Variants in CREBBP observed in about 807,000 individuals in gnomAD.
CREBBP encodes CREB-binding protein.
In CREBBP, 19 loss-of-function variants were observed where a neutral mutation model predicts 265.0. That is an observed-to-expected ratio of 0.07 (90% CI 0.05 to 0.11). CREBBP has a LOEUF of 0.11. Among genes scored for constraint, CREBBP ranks in the 10% least tolerant of loss-of-function variants. The pLI is 1.00. For missense variants in CREBBP, 2,525 were observed against 3,219.0 expected, an observed-to-expected ratio of 0.78 and a Z score of 5.22; for synonymous variants, 1,457 against 1,223.7, an observed-to-expected ratio of 1.19 and a Z score of -3.98.
chr16:3,833,211 G>A (rs1427269037), intron 2 of CREBBP, among the ~76,000 whole-genome samples: 7 of 152,332 alleles, frequency 4.6e-5, no homozygotes, highest in Non-Finnish European at 1.0e-4. Context: ...TGAGGAGTTC[G>A]AGACCAGCCT....
In CREBBP at chr16:3,725,483, G is replaced by A. The variant is rs542425636; in HGVS notation, c.*2235C>T. 3 of 233,264 alleles carry A rather than the reference G, an allele frequency of 1.3e-5. No homozygotes were observed. Among genetic ancestry groups the A allele is most frequent in the South Asian group, 1.8e-4 (1 of 5,530 alleles). 14.4% of individuals were successfully genotyped at this position (233,264 alleles called of 1,614,324 possible). A position where few individuals can be genotyped will look rare whatever the true frequency, so the allele number is the denominator to read the frequency against. Reference sequence around the variant, plus strand: ...CTTCTTGTTTGAACACATGGCTCAAGGTTTCCCTACGGGTGGAAAAGATGA... The same window carrying A: ...CTTCTTGTTTGAACACATGGCTCAAAGTTTCCCTACGGGTGGAAAAGATGA... On this transcript the variant is annotated 3_prime_UTR_variant, in exon 31 of 31. Transcript: ENST00000262367.
rs1281413873 is a variant in CREBBP, at chr16:3,725,733, T to A, written c.*1985A>T. The A allele has an allele frequency of 4.3e-6, 1 of 233,210 alleles. No homozygotes were observed. The highest frequency in any genetic ancestry group is 8.5e-6 in the Non-Finnish European group (1 of 118,060). 14.4% of individuals were successfully genotyped at this position (233,210 alleles called of 1,614,324 possible). A position where few individuals can be genotyped will look rare whatever the true frequency, so the allele number is the denominator to read the frequency against. On this transcript the variant is annotated 3_prime_UTR_variant, in exon 31 of 31. Coordinates refer to ENST00000262367, the MANE Select transcript of CREBBP (RefSeq NM_004380.3). ...CTTTCCAACTTCTTAGAAAGGTTCC[T>A]CGAATTCAGATTCCCAAACCAAGTA...
chr16:3,745,215 T>C (rs1249579881), intron 22 of CREBBP, 62 bp downstream of exon 22: 1 of 1,452,602 alleles, frequency 6.9e-7, no homozygotes, highest in Non-Finnish European at 9.6e-7. Context: ...CAGTAGCCAC[T>C]GCAACTGCCC....
At position 3,731,421 on chromosome 16, in the gene CREBBP, G is replaced by A. The variant is rs1181588652; in HGVS notation, c.4943C>T (p.Pro1648Leu). ...HAGPVINTLP[P>L]IVDPDPLLSC... The stretch of plus-strand genomic sequence containing the variant: ...GAGCAGGGGGTCGGGGTCGACGATG[G>A]GGGGCAGGGTGTTGATGACAGGCCC... The change falls in exon 30 of 31, where the codon CCC becomes CTC. Residue 1648 changes from proline (P) to leucine (L), a missense_variant. By Grantham distance (98) the Pro-to-Leu change is moderately conservative. Around this residue, in one of 19 missense-constraint regions of CREBBP, gnomAD observed 37 missense variants for 34.1 expected, o/e 1.09. Coordinates refer to ENST00000262367, the MANE Select transcript of CREBBP (RefSeq NM_004380.3). The surrounding 1 kb of genome is among the most constrained non-coding windows in gnomAD (Gnocchi z 7.7). 6.2e-7 allele frequency: 1 copy of A among 1,604,474 alleles called. No homozygotes were observed.
rs1175220531 is a variant in CREBBP at position 3,725,538 on chromosome 16, G to C, written c.*2180C>G. On this transcript the variant is annotated 3_prime_UTR_variant, in exon 31 of 31. Transcript: ENST00000262367. Reference sequence around the variant, plus strand: ...GACACTGGAGGTTAAGAACCCAGCAGGCCGAGCAGTGGCAGCAATCTCCAC... The same window carrying C: ...GACACTGGAGGTTAAGAACCCAGCACGCCGAGCAGTGGCAGCAATCTCCAC... The C allele has an allele frequency of 1.7e-5, 4 of 233,204 alleles. No homozygotes were observed. The East Asian group carries it at 2.4e-4, about 14-fold the overall frequency. The allele number at this position is 233,204 out of a possible 1,614,324, so 14.4% of individuals were successfully genotyped here.
rs2051737670 is a variant in CREBBP at position 3,726,171 on chromosome 16, T to C, written c.*1547A>G. 9.3e-6 allele frequency: 2 copies of C among 216,094 alleles called. No individual in the cohort carries two copies. The highest frequency in any genetic ancestry group is 1.9e-4 in the South Asian group (1 of 5,220). The allele number at this position is 216,094 out of a possible 1,614,324, so 13.4% of individuals were successfully genotyped here. ...CATGCTGCGCGGCAGCGGCAGGATTTGGGGGGAAGTCAGAAAGCACCTCGC... is the reference window on the plus strand; with the variant it reads ...CATGCTGCGCGGCAGCGGCAGGATTCGGGGGGAAGTCAGAAAGCACCTCGC... On this transcript the variant is annotated 3_prime_UTR_variant, in exon 31 of 31. Coordinates refer to ENST00000262367, the MANE Select transcript of CREBBP (RefSeq NM_004380.3).
At chr16:3,796,034 T>G (rs2141294032) in intron 3 of CREBBP, among the ~76,000 whole-genome samples, 1 of 152,324 alleles carries the variant, frequency 6.6e-6, no homozygotes, top group South Asian at 2.1e-4. Context: ...TTAAGGTTCT[T>G]AATCTATTGT....
chr16:3,759,892 C>T (rs773941460), intron 16 of CREBBP, among the ~76,000 whole-genome samples: 5 of 152,062 alleles, frequency 3.3e-5, no homozygotes, highest in Non-Finnish European at 7.4e-5. Context: ...TACATTCATA[C>T]AAACCCTCAA....
chr16:3,853,961 A>AACAAAC (rs1555497359), intron 1 of CREBBP, among the ~76,000 whole-genome samples: 5 of 145,132 alleles, frequency 3.4e-5, no homozygotes, highest in African/African-American at 1.1e-4. Flanking sequence ...CAAACAAACA[A>AACAAAC]ACACACACAC....
intron 2 of CREBBP, among the ~76,000 whole-genome samples, chr16:3,823,807 G>C (rs528639168): frequency 6.6e-6 from 1 of 152,254 alleles, no homozygotes; most frequent in East Asian, 1.9e-4. Context: ...TCCATGGCAA[G>C]GCACACTTCT....
At chr16:3,857,813 C>T (rs184034052) in intron 1 of CREBBP, among the ~76,000 whole-genome samples, 73 of 152,348 alleles carry the variant, frequency 4.8e-4, no homozygotes, top group Non-Finnish European at 2.2e-4. Context: ...TTGCAGCTTC[C>T]TGGCTGCCAA....
chr16:3,754,076 G>C (rs1235968849), intron 19 of CREBBP, among the ~76,000 whole-genome samples: 1 of 152,172 alleles, frequency 6.6e-6, no homozygotes, highest in Non-Finnish European at 1.5e-5. Context: ...GGCTCTTCCT[G>C]TATGACTGAC....
At chr16:3,771,034 A>T in intron 13 of CREBBP, 48 bp from the exon 14 acceptor site, 1 of 1,604,924 alleles carries the variant, frequency 6.2e-7, no homozygotes, top group Non-Finnish European at 8.5e-7. Context: ...CCCGTTTGAA[A>T]ATGTGATGAA....
chr16:3,818,133 A>G (rs1457218088), intron 2 of CREBBP, among the ~76,000 whole-genome samples: 1 of 151,938 alleles, frequency 6.6e-6, no homozygotes, highest in Non-Finnish European at 1.5e-5. Context: ...GGGGTTGACC[A>G]TAACCACTTA....
chr16:3,863,379 G>A (rs1313824862), intron 1 of CREBBP, among the ~76,000 whole-genome samples: 2 of 152,158 alleles, frequency 1.3e-5, no homozygotes, highest in Non-Finnish European at 2.9e-5. Context: ...CAGGCAGGAA[G>A]ATCACCTGAG....
At chr16:3,870,214 A>G (rs2055265858) in intron 1 of CREBBP, among the ~76,000 whole-genome samples, 1 of 152,170 alleles carries the variant, frequency 6.6e-6, no homozygotes, top group Admixed American at 6.5e-5. Flanking sequence ...ATTTCCTACT[A>G]TAGAATCTGC....
chr16:3,728,153 TTGCTGCAGAATCCGCTGC>T lies in CREBBP; in HGVS notation c.6876_6893del (p.Arg2294_Gln2299del). ...ACCCAATCTGCTGCTTCATCTGCTG[TTGCTGCAGAATCCGCTGC>T]TGCAGGGCTTGCTGGATGTTGGGGG... On this transcript the variant is annotated inframe_deletion, in exon 31 of 31. Transcript: ENST00000262367. The surrounding 1 kb of genome is among the most constrained non-coding windows in gnomAD (Gnocchi z 8.7). 1 of 1,614,150 alleles carries T rather than the reference TTGCTGCAGAATCCGCTGC, an allele frequency of 6.2e-7. No homozygotes were observed. Among genetic ancestry groups the T allele is most frequent in the Non-Finnish European group, 8.5e-7 (1 of 1,180,016 alleles).
At chr16:3,743,394 G>A (rs1567275625) in intron 23 of CREBBP, 1 of 152,226 alleles carries the variant, frequency 6.6e-6, no homozygotes, top group Non-Finnish European at 1.5e-5. Flanking sequence ...TTTGGATGTT[G>A]GTTAACAACA....
At chr16:3,865,876 T>G (rs2055168712) in intron 1 of CREBBP, among the ~76,000 whole-genome samples, 1 of 152,096 alleles carries the variant, frequency 6.6e-6, no homozygotes, top group Non-Finnish European at 1.5e-5. Context: ...GACCTCATGA[T>G]CCATCAACTC....
Sources: allele counts gnomAD v4.1 joint callset (sites outside exome capture counted in the v4.1 genomes callset), GRCh38; gene constraint gnomAD v4.1.1; regional missense constraint gnomAD v4.1.1; non-coding constraint Gnocchi (gnomAD v3.1); transcripts MANE v1.5; gene names NCBI Gene and HGNC (gene_info 2026-07-23, HGNC 2026-07-21).